CS: variants seen among roughly 807,000 people sequenced by gnomAD.
CS encodes citrate synthase, also known as citrate synthase, mitochondrial.
A neutral mutation model predicts 61.4 loss-of-function variants in CS; 13 were observed. That is an observed-to-expected ratio of 0.21 (90% CI 0.14 to 0.34). CS has a LOEUF of 0.34. Ranked by LOEUF, CS falls within the 10% of genes least tolerant of loss-of-function variation. The probability of loss-of-function intolerance (pLI) is 1.00; values close to 1 mark genes in which losing one functional copy is unlikely to be tolerated. For missense variants in CS, 278 were observed against 573.4 expected (o/e 0.48, Z 5.26); for synonymous variants, 159 against 215.2 (o/e 0.74, Z 2.29).
In CS at chr12:56,283,614, A is replaced by G. The variant is rs540084461; in HGVS notation, c.267+178T>C. 1.3e-3 allele frequency among the ~76,000 whole-genome samples: 199 copies of G among 152,306 alleles called. 1 individual carries two copies. Among genetic ancestry groups the G allele is most frequent in the African/African-American group, 4.5e-3 (187 of 41,560 alleles). The stretch of plus-strand genomic sequence containing the variant: ...CTGGTTTTGTACTTTTATTTTTACT[A>G]GTTGATATATTTAAAAGGTAAATTT... On this transcript the variant is annotated intron_variant, in intron 4 of 10. Coordinates refer to ENST00000351328, the MANE Select transcript of CS (RefSeq NM_004077.3).
At chr12:56,298,085 G>A (rs2629444) in intron 1 of CS, among the ~76,000 whole-genome samples, 99 of 150,430 alleles carry the variant, frequency 6.6e-4, no homozygotes, top group South Asian at 2.9e-3. Context: ...CACAACATCC[G>A]CCTCCTGGGT....
rs555792665 is a variant in CS at position 56,277,098 on chromosome 12, G to A, written c.589-903C>T. On this transcript the variant is annotated intron_variant, in intron 6 of 10. Coordinates refer to ENST00000351328, the MANE Select transcript of CS (RefSeq NM_004077.3). The stretch of plus-strand genomic sequence containing the variant: ...CGGCGCCTATAATCCCAGCTACTCG[G>A]GAGGCTGAGGCAGGAGAATTGCTTG... Among the ~76,000 whole-genome samples the A allele has an allele frequency of 5.9e-5, 9 of 151,960 alleles. No homozygotes were observed. In the East Asian group the frequency reaches 1.4e-3, roughly 23 times the overall value.
chr12:56,280,784 T>A (rs1872758480), intron 6 of CS, among the ~76,000 whole-genome samples: 1 of 152,138 alleles, frequency 6.6e-6, no homozygotes, highest in Non-Finnish European at 1.5e-5. Context: ...CCTGCTAATG[T>A]GTGCAGGTAC....
At chr12:56,273,997 C>CTTTTT in intron 9 of CS, 1 of 374,612 alleles carries the variant, frequency 2.7e-6, no homozygotes, top group Non-Finnish European at 4.9e-6. Context: ...ACACATCTGG[C>CTTTTT]TTTTTTTTTT....
chr12:56,272,963 A>G lies in CS; in HGVS notation c.*121T>C. The G allele has an allele frequency of 1.6e-6, 1 of 635,344 alleles. No homozygotes were observed. Among genetic ancestry groups the G allele is most frequent in the Non-Finnish European group, 2.8e-6 (1 of 357,920 alleles). The allele number at this position is 635,344 out of a possible 1,614,324, so 39.4% of individuals were successfully genotyped here. ...CTTAATTTATATTTTAACCTCAAAC[A>G]TATTATCAGTGCCTCAGATATAATT... On this transcript the variant is annotated 3_prime_UTR_variant, in exon 11 of 11. Transcript: ENST00000351328.
chr12:56,283,734 G>T (rs1872844896), intron 4 of CS, 58 bp downstream of exon 4: 2 of 1,328,182 alleles, frequency 1.5e-6, no homozygotes, highest in Admixed American at 1.7e-5. Context: ...TCTAATCCAC[G>T]GTTTGCGTAT....
rs750545658 is a variant in CS at position 56,273,548 on chromosome 12, G to C, written c.1230+39C>G. The C allele has an allele frequency of 6.3e-6, 10 of 1,585,506 alleles. 1 individual carries two copies. The Admixed American group carries it at 1.3e-4, about 21-fold the overall frequency. ...TGCATGGCAGATAACAATAGGGTTT[G>C]GTACAAATTAGAGGGAAAAGAGGGA... On this transcript the variant is annotated intron_variant, in intron 10 of 10. Coordinates refer to ENST00000351328, the MANE Select transcript of CS (RefSeq NM_004077.3).
At position 56,283,006 on chromosome 12, in the gene CS, G is replaced by A. The variant is rs777665108; in HGVS notation, c.268-15C>T. ...AAACGGATGCCCTTGAGAGAGGAGA[G>A]AGAGAATTACAACTCAAGTTTATAG... On this transcript the variant is annotated splice_polypyrimidine_tract_variant and intron_variant, in intron 4 of 10. Coordinates refer to ENST00000351328, the MANE Select transcript of CS (RefSeq NM_004077.3). The A allele has an allele frequency of 5.6e-6, 9 of 1,613,702 alleles. No individual in the cohort carries two copies. The highest frequency in any genetic ancestry group is 5.9e-6 in the Non-Finnish European group (7 of 1,179,854).
In CS at chr12:56,272,245, G is replaced by A. The variant is rs1306896504; in HGVS notation, c.*839C>T. The A allele has an allele frequency of 9.3e-6, 2 of 214,970 alleles. No individual in the cohort carries two copies. The highest frequency in any genetic ancestry group is 5.6e-5 in the Admixed American group (1 of 17,984). The allele number at this position is 214,970 out of a possible 1,614,324, so 13.3% of individuals were successfully genotyped here. On this transcript the variant is annotated 3_prime_UTR_variant, in exon 11 of 11. Transcript: ENST00000351328. Reference sequence around the variant, plus strand: ...TTGGTGGGGGGTGGGGAGGTCAGAAGGTAGTGGCTTGTATTCTGTGGAAGT... The same window carrying A: ...TTGGTGGGGGGTGGGGAGGTCAGAAAGTAGTGGCTTGTATTCTGTGGAAGT...
At chr12:56,290,059 AAT>A (rs1311893654) in intron 1 of CS, among the ~76,000 whole-genome samples, 1 of 151,224 alleles carries the variant, frequency 6.6e-6, no homozygotes, top group Non-Finnish European at 1.5e-5. Flanking sequence ...ATGCCCAGCT[AAT>A]TTTTGTAGTT....
intron 6 of CS, 25 bp from the exon 7 acceptor site, chr12:56,276,220 G>GAA: frequency 6.3e-7 from 1 of 1,577,664 alleles, no homozygotes; most frequent in Non-Finnish European, 8.6e-7. Context: ...GCAAGATGGA[G>GAA]AAAAAAAAAG....
intron 1 of CS, among the ~76,000 whole-genome samples, chr12:56,287,070 T>C (rs930725658): frequency 3.3e-5 from 5 of 152,206 alleles, no homozygotes; most frequent in African/African-American, 7.2e-5. Context: ...CAGCCTTTCA[T>C]AACGGTACTT....
intron 3 of CS, 40 bp downstream of exon 3, chr12:56,285,876 A>G (rs1872925575): frequency 3.3e-6 from 5 of 1,494,504 alleles, no homozygotes; most frequent in Middle Eastern, 4.8e-4. Flanking sequence ...GAAGCACATT[A>G]CAGAGCTACT....
chr12:56,287,287 C>T (rs1872967363), intron 1 of CS, among the ~76,000 whole-genome samples: 3 of 151,986 alleles, frequency 2.0e-5, no homozygotes, highest in Non-Finnish European at 4.4e-5. Context: ...CAAGACCAGC[C>T]TGGCCAACAT....
At chr12:56,281,061 T>C (rs1240594672) in intron 6 of CS, among the ~76,000 whole-genome samples, 3 of 152,244 alleles carry the variant, frequency 2.0e-5, no homozygotes, top group Non-Finnish European at 4.4e-5. Context: ...CAGTGGGTCA[T>C]GCTCTTCTGT....
chr12:56,273,450 C>T, intron 10 of CS, 137 bp downstream of exon 10: 1 of 1,019,706 alleles, frequency 9.8e-7, no homozygotes, highest in East Asian at 2.6e-5. Flanking sequence ...AACCCCCAAC[C>T]CTCTCATAGT....
intron 6 of CS, among the ~76,000 whole-genome samples, chr12:56,278,169 C>T (rs1001953697): frequency 3.3e-5 from 5 of 152,166 alleles, no homozygotes; most frequent in Non-Finnish European, 7.3e-5. Context: ...CTCACCCTGT[C>T]GCCCAGGCTG....
chr12:56,281,086 T>A (rs1302403356), intron 6 of CS, among the ~76,000 whole-genome samples: 1 of 152,232 alleles, frequency 6.6e-6, no homozygotes, highest in Non-Finnish European at 1.5e-5. Context: ...TGCACCACAG[T>A]GAACTCTTTA....
At chr12:56,295,743 A>C (rs1873279234) in intron 1 of CS, among the ~76,000 whole-genome samples, 1 of 151,052 alleles carries the variant, frequency 6.6e-6, no homozygotes, top group Admixed American at 6.6e-5. Flanking sequence ...TCACGAGGTC[A>C]GGAGATCGAG....
Sources: allele counts gnomAD v4.1 joint callset (sites outside exome capture counted in the v4.1 genomes callset), GRCh38; gene constraint gnomAD v4.1.1; transcripts MANE v1.5; gene names NCBI Gene and HGNC (gene_info 2026-07-23, HGNC 2026-07-21).